Variants in PLEKHH3 observed in about 807,000 individuals in gnomAD.
The protein encoded by PLEKHH3 is pleckstrin homology domain-containing family H member 3.
A neutral mutation model predicts 77.8 loss-of-function variants in PLEKHH3; 57 were observed. That is an observed-to-expected ratio of 0.73 (90% CI 0.59 to 0.91). The LOEUF is 0.91. Ranked by LOEUF, PLEKHH3 falls within the 40% of genes least tolerant of loss-of-function variation. The probability of loss-of-function intolerance (pLI) is 0.00; values close to 1 mark genes in which losing one functional copy is unlikely to be tolerated. For synonymous variants in PLEKHH3, 467 were observed against 504.8 expected (o/e 0.93, Z 1.00); for missense variants, 1,082 against 1,091.2 (o/e 0.99, Z 0.12).
In PLEKHH3 at chr17:42,670,257, G is replaced by A; in HGVS notation, c.1674C>T (p.Arg558=). 3 of 1,246,844 alleles carry A rather than the reference G, an allele frequency of 2.4e-6. No homozygotes were observed. Among genetic ancestry groups the A allele is most frequent in the East Asian group, 3.2e-5 (1 of 31,270 alleles). 77.2% of individuals were successfully genotyped at this position (1,246,844 alleles called of 1,614,324 possible). ...CCGGGGGCGGGAGCAGGCGGTCCAG[G>A]CGGGGCAGGGGCACCCGCGGAGAGA... is the stretch of plus-strand genomic sequence containing the variant. ...RDFSPRVPLP[R]LDRLLPPPAP... Residue 558 remains arginine, a synonymous_variant, in exon 11 of 13, where the codon CGC becomes CGT. Transcript: ENST00000591022.
chr17:42,672,472 G>A, intron 6 of PLEKHH3, 80 bp from the exon 7 acceptor site: 3 of 1,265,188 alleles, frequency 2.4e-6, no homozygotes, highest in South Asian at 3.0e-5. Flanking sequence ...TGAACCAGGG[G>A]AAGGTCAGAG....
chr17:42,674,434 T>G, intron 1 of PLEKHH3, 25 bp from the exon 2 acceptor site: 1 of 1,566,414 alleles, frequency 6.4e-7, no homozygotes, highest in Non-Finnish European at 8.6e-7. Context: ...GGGGAAGCCC[T>G]CAGGGTCAGA....
rs754357460 is a variant in PLEKHH3 at position 42,671,414 on chromosome 17, G to C, written c.1221C>G (p.Thr407=). ...ALSQRQELLC[T]VHCPGAGACA... The stretch of plus-strand genomic sequence containing the variant: ...AGGCACCAGCCCCCGGACAGTGCAC[G>C]GTACACAGCAGCTCCTGCCGTTGGC... Residue 407 remains threonine (T), a synonymous_variant, in exon 8 of 13, where the codon ACC becomes ACG. Transcript: ENST00000591022. The surrounding 1 kb of genome is among the most constrained non-coding windows in gnomAD (Gnocchi z 4.7). The C allele has an allele frequency of 1.9e-5, 30 of 1,612,986 alleles. No homozygotes were observed. The South Asian group carries it at 2.9e-4, about 15-fold the overall frequency.
In PLEKHH3 at chr17:42,669,994, A is replaced by G. The variant is rs2052648778; in HGVS notation, c.1937T>C (p.Met646Thr). ...CGCCGCCAGGGCCAGGTAGGCGGCC[A>G]TGGCCTCAGCTCGGCCCATGCCCCG... ...RLRGMGRAEA[M>T]AAYLALAAQC... Residue 646 changes from methionine to threonine, a missense_variant, in exon 11 of 13, where the codon ATG becomes ACG. Physicochemically the swap from Met to Thr is moderately conservative, Grantham distance 81 (BLOSUM62 -1). This residue lies in a region of PLEKHH3 where 733 missense variants were observed against 750.0 expected (regional missense o/e 0.98). Transcript: ENST00000591022. 1.2e-6 allele frequency: 2 copies of G among 1,607,640 alleles called. No homozygotes were observed.
intron 1 of PLEKHH3, chr17:42,675,893 G>T (rs1291460397): frequency 2.4e-5 from 24 of 1,006,704 alleles, no homozygotes; most frequent in Non-Finnish European, 2.0e-5. Context: ...TCCTCAAAGA[G>T]CTCCCACCTC....
At position 42,676,476 on chromosome 17, in the gene PLEKHH3, T is replaced by G. The variant is rs1466175192; in HGVS notation, c.88A>C (p.Ser30Arg). 1.2e-6 allele frequency: 2 copies of G among 1,604,358 alleles called. No individual in the cohort carries two copies. The highest frequency in any genetic ancestry group is 1.7e-6 in the Non-Finnish European group (2 of 1,172,188). The change falls in exon 1 of 13, where the codon AGC becomes CGC. Residue 30 changes from serine to arginine, a missense_variant. Coordinates refer to ENST00000591022, the MANE Select transcript of PLEKHH3 (RefSeq NM_024927.5). This position sits in a 1 kb window ranked among gnomAD's most constrained non-coding sequence, Gnocchi z 6.6. ...TCCTCGTCCTCGTCCCCGTCCCCGC[T>G]AAGCTCGCCGTCCCCGTAGTCCCGG... ...LHRDYGDGEL[S>R]GDGDEDEDEE...
rs751554954 is a variant in PLEKHH3, at chr17:42,668,306, AAG to A, written c.2206-5_2206-4del. 3.3e-6 allele frequency: 5 copies of A among 1,536,794 alleles called. No individual in the cohort carries two copies. In the South Asian group the frequency reaches 5.0e-5, roughly 15 times the overall value. ...ACCAGCTGCATGATCTCTTCCACCT[AAG>A]AGAGGGCAGAGGTCAGTGTGCAACA... On this transcript the variant is annotated splice_polypyrimidine_tract_variant and splice_region_variant and intron_variant, in intron 12 of 12. Coordinates refer to ENST00000591022, the MANE Select transcript of PLEKHH3 (RefSeq NM_024927.5).
chr17:42,676,834 G>A lies in PLEKHH3; in HGVS notation c.-271C>T, dbSNP rs2052839061. On this transcript the variant is annotated 5_prime_UTR_variant, in exon 1 of 13. Transcript: ENST00000591022. The surrounding 1 kb of genome is among the most constrained non-coding windows in gnomAD (Gnocchi z 6.6). ...AGGAGGGAGCAATGTCCGGAGCTGGGAAGTAGTGTCCGTTGGAGTGTCCAG... is the reference window on the plus strand; with the variant it reads ...AGGAGGGAGCAATGTCCGGAGCTGGAAAGTAGTGTCCGTTGGAGTGTCCAG... The A allele has an allele frequency of 1.9e-6, 1 of 528,604 alleles. No individual in the cohort carries two copies. The highest frequency in any genetic ancestry group is 3.4e-6 in the Non-Finnish European group (1 of 293,526). 32.7% of individuals were successfully genotyped at this position (528,604 alleles called of 1,614,324 possible).
intron 11 of PLEKHH3, 27 bp from the exon 12 acceptor site, chr17:42,669,648 T>G (rs1416234249): frequency 3.8e-6 from 6 of 1,586,260 alleles, no homozygotes; most frequent in African/African-American, 1.3e-5. Flanking sequence ...AGAGTCAGGG[T>G]GGAAGGAGGA....
intron 1 of PLEKHH3, among the ~76,000 whole-genome samples, chr17:42,675,586 C>T (rs987265254): frequency 6.6e-6 from 1 of 152,202 alleles, no homozygotes; most frequent in Non-Finnish European, 1.5e-5. Context: ...CGCAGCCCGC[C>T]CCACCCGGGC....
intron 11 of PLEKHH3, 99 bp downstream of exon 11, chr17:42,669,819 G>C (rs1255725980): frequency 6.4e-6 from 10 of 1,555,110 alleles, no homozygotes; most frequent in Non-Finnish European, 7.0e-6. Flanking sequence ...AGCTGTTCTG[G>C]ATGTGGGGAA....
chr17:42,672,742 C>G (rs142008399), intron 6 of PLEKHH3, among the ~76,000 whole-genome samples: 1 of 152,214 alleles, frequency 6.6e-6, no homozygotes, highest in East Asian at 1.9e-4. Flanking sequence ...GTCAGAAAAC[C>G]GGGGTTCCTC....
rs1433752544 is a variant in PLEKHH3, at chr17:42,673,761, G to A, written c.372C>T (p.Leu124=). The A allele has an allele frequency of 6.3e-7, 1 of 1,598,456 alleles. No individual in the cohort carries two copies. Among genetic ancestry groups the A allele is most frequent in the Non-Finnish European group, 8.5e-7 (1 of 1,178,726 alleles). ...TGAACTGATCCAGGGAGTCCCGCGT[G>A]AGCACAAACCAGGCTCGGCGCGGGG... ...WLPPRRAWFV[L]TRDSLDQFSS... The change falls in exon 4 of 13, where the codon CTC becomes CTT. Residue 124 remains leucine, a synonymous_variant. Transcript: ENST00000591022.
chr17:42,672,343 C>A lies in PLEKHH3; in HGVS notation c.819G>T (p.Ala273=), dbSNP rs776940783. Residue 273 remains alanine, a synonymous_variant, in exon 7 of 13, where the codon GCG becomes GCT. Transcript: ENST00000591022. ...LREEAVRLFL[A]LQALEGARRP... ...GCCGCGCCCCCTCCAGCGCCTGCAGCGCCAAGAACAGCCGCACCGCCTCCT... is the reference window on the plus strand; with the variant it reads ...GCCGCGCCCCCTCCAGCGCCTGCAGAGCCAAGAACAGCCGCACCGCCTCCT... 39 of 1,544,970 alleles carry A rather than the reference C, an allele frequency of 2.5e-5. No homozygotes were observed. In the South Asian group the frequency reaches 4.6e-4, roughly 18 times the overall value.
intron 1 of PLEKHH3, 32 bp from the exon 2 acceptor site, chr17:42,674,441 C>T (rs1228549149): frequency 1.3e-6 from 2 of 1,547,976 alleles, no homozygotes; most frequent in East Asian, 2.3e-5. Flanking sequence ...CCCTCAGGGT[C>T]AGAGCCCTTC....
chr17:42,672,295 A>C lies in PLEKHH3; in HGVS notation c.867T>G (p.Gly289=). ...GCAAGTCCCGGCAGGTTTGGAGCACACCCTGCATCAAGGGCCCGGGGCGCC... is the reference window on the plus strand; with the variant it reads ...GCAAGTCCCGGCAGGTTTGGAGCACCCCCTGCATCAAGGGCCCGGGGCGCC... ...GARRPGPLMQ[G]VLQTCRDLPA... The change falls in exon 7 of 13, where the codon GGT becomes GGG. Residue 289 remains glycine, a synonymous_variant. Coordinates refer to ENST00000591022, the MANE Select transcript of PLEKHH3 (RefSeq NM_024927.5). 6.5e-7 allele frequency: 1 copy of C among 1,549,818 alleles called. No homozygotes were observed. The highest frequency in any genetic ancestry group is 2.4e-5 in the East Asian group (1 of 40,916).
chr17:42,671,555 G>A lies in PLEKHH3; in HGVS notation c.1080C>T (p.Thr360=). 6.2e-7 allele frequency: 1 copy of A among 1,608,046 alleles called. No individual in the cohort carries two copies. Among genetic ancestry groups the A allele is most frequent in the Non-Finnish European group, 8.5e-7 (1 of 1,177,572 alleles). Residue 360 remains threonine, a synonymous_variant, in exon 8 of 13, where the codon ACC becomes ACT. Coordinates refer to ENST00000591022, the MANE Select transcript of PLEKHH3 (RefSeq NM_024927.5). The surrounding 1 kb of genome is among the most constrained non-coding windows in gnomAD (Gnocchi z 4.7). ...GTTCCGAGTCCGGGAGTGCCTGCTC[G>A]GTCCTGGGTTAGGAGGAACCCAGGG... ...RGHLLGHLER[T]EQALPDSELA... is the part of the protein sequence containing the mutation.
Position 42,671,376 on chromosome 17 carries a change from A to G in PLEKHH3, c.1259T>C (p.Ile420Thr). 6.2e-7 allele frequency: 1 copy of G among 1,612,952 alleles called. No individual in the cohort carries two copies. The highest frequency in any genetic ancestry group is 8.5e-7 in the Non-Finnish European group (1 of 1,179,940). Reference protein sequence around the residue: ...CPGAGACAVAIDSHTTAGEVA... With the variant: ...CPGAGACAVATDSHTTAGEVA... ...CTCCCCCGCCGTGGTGTGGGAGTCGATGGCCACAGCACAGGCACCAGCCCC... is the reference window on the plus strand; with the variant it reads ...CTCCCCCGCCGTGGTGTGGGAGTCGGTGGCCACAGCACAGGCACCAGCCCC... Residue 420 changes from isoleucine (I) to threonine (T), a missense_variant, in exon 8 of 13, where the codon ATC (isoleucine) becomes ACC (threonine). By Grantham distance (89) the Ile-to-Thr change is moderately conservative. Transcript: ENST00000591022. This position sits in a 1 kb window ranked among gnomAD's most constrained non-coding sequence, Gnocchi z 4.7.
chr17:42,668,228 G>A lies in PLEKHH3; in HGVS notation c.2281C>T (p.Pro761Ser), dbSNP rs144895713. The A allele has an allele frequency of 2.1e-4, 327 of 1,560,856 alleles. 4 individuals carry two copies. In the Middle Eastern group the frequency reaches 2.9e-3, roughly 14 times the overall value. Residue 761 changes from proline (P) to serine (S), a missense_variant, in exon 13 of 13, where the codon CCT (proline) becomes TCT (serine). Transcript: ENST00000591022. ...SPERPCSSSS[P>S]PCQDLPDTSP... ...GTGTCTGGCAGGTCTTGGCATGGAG[G>A]AGAAGAGCTGCTGCAGGGCCTCTCG... is the stretch of plus-strand genomic sequence containing the variant.
Sources: allele counts gnomAD v4.1 joint callset (sites outside exome capture counted in the v4.1 genomes callset), GRCh38; gene constraint gnomAD v4.1.1; regional missense constraint gnomAD v4.1.1; non-coding constraint Gnocchi (gnomAD v3.1); transcripts MANE v1.5; gene names NCBI Gene and HGNC (gene_info 2026-07-23, HGNC 2026-07-21).